KCNMA1: variants seen among roughly 807,000 people sequenced by gnomAD.
KCNMA1 encodes the protein Calcium-activated potassium channel subunit alpha-1.
KCNMA1 carries 29 observed loss-of-function variants against 140.0 expected under a neutral mutation model. That is an observed-to-expected ratio of 0.21 (90% CI 0.15 to 0.28). KCNMA1 has a LOEUF of 0.28. KCNMA1 is among the 10% of genes least tolerant of loss of function. The probability of loss-of-function intolerance (pLI) is 1.00; values close to 1 mark genes in which losing one functional copy is unlikely to be tolerated. For missense variants in KCNMA1, 880 were observed against 1,602.2 expected (o/e 0.55, Z 7.70); for synonymous variants, 612 against 611.9 (o/e 1.00, Z 0.00).
intron 25 of KCNMA1, among the ~76,000 whole-genome samples, chr10:76,893,470 T>C (rs974815455): frequency 6.6e-6 from 1 of 152,194 alleles, no homozygotes; most frequent in African/African-American, 2.4e-5. Flanking sequence ...GGTGCACACC[T>C]GTAATCCCAG....
intron 2 of KCNMA1, among the ~76,000 whole-genome samples, chr10:77,336,993 A>T (rs2089295291): frequency 2.0e-5 from 3 of 152,342 alleles, no homozygotes; most frequent in South Asian, 4.1e-4. Context: ...GAAGCTTCCC[A>T]CATCTCCCAA....
intron 3 of KCNMA1, among the ~76,000 whole-genome samples, chr10:77,194,594 C>A (rs1159778871): frequency 1.3e-5 from 2 of 152,120 alleles, no homozygotes; most frequent in Non-Finnish European, 2.9e-5. Flanking sequence ...GTTCTGAGTT[C>A]CGGACTGACA....
intron 3 of KCNMA1, among the ~76,000 whole-genome samples, chr10:77,221,923 C>T (rs1329376608): frequency 6.6e-6 from 1 of 152,136 alleles, no homozygotes; most frequent in Non-Finnish European, 1.5e-5. Flanking sequence ...GGTTCAAATC[C>T]CAGCTCTGTC....
chr10:77,291,687 T>G (rs1233448100), intron 2 of KCNMA1, among the ~76,000 whole-genome samples: 1 of 152,210 alleles, frequency 6.6e-6, no homozygotes, highest in Admixed American at 6.5e-5. Context: ...GTGAGCTGCT[T>G]CATGGGTCCT....
At chr10:77,469,771 C>A (rs1208691597) in intron 1 of KCNMA1, among the ~76,000 whole-genome samples, 3 of 152,170 alleles carry the variant, frequency 2.0e-5, no homozygotes, top group African/African-American at 7.2e-5. Flanking sequence ...GAAACCAAAG[C>A]CATTCTGACT....
At chr10:77,407,702 C>T (rs1490897318) in intron 1 of KCNMA1, among the ~76,000 whole-genome samples, 4 of 152,154 alleles carry the variant, frequency 2.6e-5, no homozygotes, top group African/African-American at 9.7e-5. Context: ...CAGCCTCTTC[C>T]ATGTAAGATG....
chr10:76,884,037 T>C, downstream of KCNMA1: 1 of 959,526 alleles, frequency 1.0e-6, no homozygotes, highest in African/African-American at 1.8e-5. Context: ...ACCTCAAAAT[T>C]CCATCTCTTA....
At chr10:77,319,802 A>C (rs750476447) in intron 2 of KCNMA1, among the ~76,000 whole-genome samples, 1 of 152,336 alleles carries the variant, frequency 6.6e-6, no homozygotes, top group African/African-American at 2.4e-5. Flanking sequence ...GTTTCCATCA[A>C]TCTGGTTTGC....
chr10:76,876,626 T>C (rs1034967863), downstream of KCNMA1: 4 of 152,256 alleles, frequency 2.6e-5, no homozygotes, highest in African/African-American at 9.6e-5. Context: ...AACAAGTTCA[T>C]GTGTTTGGCC....
At position 76,907,545 on chromosome 10, in the gene KCNMA1, A is replaced by G. The variant is rs143504091; in HGVS notation, c.3147+2421T>C. 9.9e-4 allele frequency among the ~76,000 whole-genome samples: 151 copies of G among 151,908 alleles called. 1 individual carries two copies. The Middle Eastern group carries it at 0.02, about 21-fold the overall frequency. On this transcript the variant is annotated intron_variant, in intron 25 of 27. Transcript: ENST00000286628. ...CATCTCTGTTGTTTTATTTTATTTT[A>G]TTTTATTTTTTGAGACAGGGTCTCA...
chr10:77,096,743 G>A (rs914463381), intron 9 of KCNMA1, among the ~76,000 whole-genome samples: 2 of 152,144 alleles, frequency 1.3e-5, no homozygotes, highest in Non-Finnish European at 2.9e-5. Flanking sequence ...TGCTCACTTT[G>A]TCAAAGAGGT....
At chr10:77,457,249 G>A (rs1265418342) in intron 1 of KCNMA1, among the ~76,000 whole-genome samples, 3 of 152,070 alleles carry the variant, frequency 2.0e-5, no homozygotes, top group Admixed American at 6.5e-5. Flanking sequence ...AGGCTCCCTC[G>A]CTCTTTCTTC....
At chr10:77,312,781 T>C (rs1333141980) in intron 2 of KCNMA1, among the ~76,000 whole-genome samples, 1 of 152,120 alleles carries the variant, frequency 6.6e-6, no homozygotes, top group African/African-American at 2.4e-5. Flanking sequence ...GCCAGGTTAG[T>C]CACTGAGCCC....
At chr10:77,012,375 T>C in intron 17 of KCNMA1, 2 of 1,512,826 alleles carry the variant, frequency 1.3e-6, no homozygotes, top group Non-Finnish European at 1.8e-6. Flanking sequence ...TGGGGACATG[T>C]GGGCAATGAG....
At chr10:77,235,296 G>C (rs959125287) in intron 3 of KCNMA1, among the ~76,000 whole-genome samples, 2 of 152,184 alleles carry the variant, frequency 1.3e-5, no homozygotes, top group South Asian at 4.1e-4. Context: ...TGGATGACAT[G>C]CTTTTGATCC....
At chr10:77,398,126 G>A (rs2096129298) in intron 2 of KCNMA1, among the ~76,000 whole-genome samples, 1 of 151,256 alleles carries the variant, frequency 6.6e-6, no homozygotes, top group Non-Finnish European at 1.5e-5. Flanking sequence ...CCCTTGGGTT[G>A]ATTCCATAGC....
intron 2 of KCNMA1, among the ~76,000 whole-genome samples, chr10:77,312,206 A>G (rs1348447888): frequency 2.6e-5 from 4 of 152,238 alleles, no homozygotes; most frequent in African/African-American, 9.6e-5. Context: ...AGCAGCCAGG[A>G]GCCATGGACT....
intron 3 of KCNMA1, among the ~76,000 whole-genome samples, chr10:77,211,734 T>C (rs2046139594): frequency 6.6e-6 from 1 of 152,000 alleles, no homozygotes; most frequent in African/African-American, 2.4e-5. Flanking sequence ...CTAGGATCTA[T>C]AAGGAACTTA....
intron 1 of KCNMA1, chr10:77,636,216 T>A: frequency 7.0e-7 from 1 of 1,428,998 alleles, no homozygotes; most frequent in East Asian, 2.5e-5. Context: ...CAGTTCTTTC[T>A]TTTTTATTCT....
Sources: gnomAD v4.1 joint callset for allele counts (sites outside exome capture counted in the v4.1 genomes callset) on GRCh38, gnomAD v4.1.1 for gene constraint, MANE v1.5 for transcripts, NCBI Gene and HGNC (gene_info 2026-07-23, HGNC 2026-07-21) for gene names.